The following KCTD8 variants were observed in gnomAD, a reference collection of about 807,000 sequenced individuals.
The protein encoded by KCTD8 is potassium channel tetramerization domain containing 8.
KCTD8 carries 27 observed loss-of-function variants against 31.5 expected under a neutral mutation model. The ratio of observed to expected loss-of-function variants is 0.86; its 90% CI spans 0.63 to 1.18. The LOEUF (loss-of-function observed/expected upper bound fraction) is 1.18, where lower values mean the gene tolerates loss of function less well. Ranked by LOEUF, KCTD8 falls within the 50% of genes most tolerant of loss-of-function variation. The pLI is 0.00. For synonymous variants in KCTD8, 290 were observed against 280.0 expected (o/e 1.04, Z -0.36); for missense variants, 658 against 647.7 (o/e 1.02, Z -0.17).
chr4:44,269,735 T>C (rs1480067279), intron 1 of KCTD8, among the ~76,000 whole-genome samples: 2 of 151,904 alleles, frequency 1.3e-5, no homozygotes, highest in Non-Finnish European at 2.9e-5. Flanking sequence ...GCAAAGGATA[T>C]GAACAGACAC....
chr4:44,393,806 T>TA (rs1297560602), intron 1 of KCTD8, among the ~76,000 whole-genome samples: 1 of 152,044 alleles, frequency 6.6e-6, no homozygotes, highest in Admixed American at 6.6e-5. Flanking sequence ...AATAAACATT[T>TA]ACAGAGCATC....
At chr4:44,414,004 C>G (rs1471755334) in intron 1 of KCTD8, among the ~76,000 whole-genome samples, 1 of 152,038 alleles carries the variant, frequency 6.6e-6, no homozygotes, top group African/African-American at 2.4e-5. Context: ...GACTAGAAAA[C>G]AGATTGTCCC....
intron 1 of KCTD8, among the ~76,000 whole-genome samples, chr4:44,350,518 T>C (rs1719169060): frequency 6.6e-6 from 1 of 152,196 alleles, no homozygotes; most frequent in Admixed American, 6.5e-5. Context: ...CAAGAGCTTC[T>C]AGCACAACAC....
Position 44,244,950 on chromosome 4 carries a change from C to T in KCTD8, c.962-69700G>A, listed in dbSNP as rs527617879. On this transcript the variant is annotated intron_variant, in intron 1 of 1. Transcript: ENST00000360029. ...TTTAACATTTGAGTGTTGGCTGAAGCCTTTATGATGGGTAAGGAAAGACAT... is the reference window on the plus strand; with the variant it reads ...TTTAACATTTGAGTGTTGGCTGAAGTCTTTATGATGGGTAAGGAAAGACAT... Among the ~76,000 whole-genome samples, 50 of 152,066 alleles carry T rather than the reference C, an allele frequency of 3.3e-4. 1 individual carries two copies. The South Asian group carries it at 9.7e-3, about 30-fold the overall frequency.
chr4:44,181,507 C>G (rs372188873), intron 1 of KCTD8, among the ~76,000 whole-genome samples: 14 of 152,188 alleles, frequency 9.2e-5, no homozygotes, highest in African/African-American at 2.9e-4. Context: ...CTCGGCCCCC[C>G]GAGGCGCCGG....
chr4:44,334,889 C>G (rs114343834), intron 1 of KCTD8, among the ~76,000 whole-genome samples: 1 of 152,208 alleles, frequency 6.6e-6, no homozygotes, highest in African/African-American at 2.4e-5. Flanking sequence ...TACAGATTAT[C>G]TGGAATGCAT....
At chr4:44,198,019 T>G (rs1713996582) in intron 1 of KCTD8, among the ~76,000 whole-genome samples, 1 of 152,078 alleles carries the variant, frequency 6.6e-6, no homozygotes, top group Admixed American at 6.5e-5. Flanking sequence ...TCAGAAGCAT[T>G]AACAACAGAT....
intron 1 of KCTD8, among the ~76,000 whole-genome samples, chr4:44,298,230 A>T (rs1717494762): frequency 1.3e-5 from 2 of 152,120 alleles, no homozygotes; most frequent in Non-Finnish European, 2.9e-5. Flanking sequence ...AACTTCCCAG[A>T]CATACTGAGG....
At chr4:44,314,429 T>C (rs888576874) in intron 1 of KCTD8, among the ~76,000 whole-genome samples, 1 of 152,142 alleles carries the variant, frequency 6.6e-6, no homozygotes, top group African/African-American at 2.4e-5. Flanking sequence ...GACAGGAAAG[T>C]AGGAGGGGAA....
chr4:44,438,096 A>G (rs1487109890), intron 1 of KCTD8, among the ~76,000 whole-genome samples: 1 of 152,152 alleles, frequency 6.6e-6, no homozygotes, highest in Non-Finnish European at 1.5e-5. Context: ...CTCACCAACC[A>G]GAAGAAAAGA....
chr4:44,447,289 G>A (rs1721966728), intron 1 of KCTD8, among the ~76,000 whole-genome samples: 1 of 152,238 alleles, frequency 6.6e-6, no homozygotes, highest in Admixed American at 6.5e-5. Context: ...GGGCTGGGCC[G>A]AGAAGGCAAG....
rs567391912 is a variant in KCTD8 at position 44,192,065 on chromosome 4, C to T, written c.962-16815G>A. 5.2e-4 allele frequency among the ~76,000 whole-genome samples: 79 copies of T among 152,280 alleles called. 1 individual carries two copies. Among genetic ancestry groups the T allele is most frequent in the African/African-American group, 1.8e-3 (74 of 41,578 alleles). On this transcript the variant is annotated intron_variant, in intron 1 of 1. Coordinates refer to ENST00000360029, the MANE Select transcript of KCTD8 (RefSeq NM_198353.3). ...AAAATTCCCCTCTTTGTACTCTTTC[C>T]CTTTATTTCTCAGACTGGCCGACAC...
intron 1 of KCTD8, among the ~76,000 whole-genome samples, chr4:44,403,866 T>C (rs1422299091): frequency 6.6e-5 from 10 of 152,048 alleles, no homozygotes; most frequent in Admixed American, 5.2e-4. Flanking sequence ...TGTTAGATGA[T>C]TAATATTTTT....
chr4:44,321,788 C>T (rs1328533542), intron 1 of KCTD8, among the ~76,000 whole-genome samples: 1 of 152,076 alleles, frequency 6.6e-6, no homozygotes, highest in East Asian at 1.9e-4. Flanking sequence ...TGCTAACTAC[C>T]TTTCTAGTCT....
chr4:44,249,033 A>G (rs934833215), intron 1 of KCTD8, among the ~76,000 whole-genome samples: 1 of 151,800 alleles, frequency 6.6e-6, no homozygotes, highest in Non-Finnish European at 1.5e-5. Context: ...TTAACTATGA[A>G]AATATCACCT....
intron 1 of KCTD8, among the ~76,000 whole-genome samples, chr4:44,254,470 G>A (rs943877674): frequency 2.6e-5 from 4 of 151,910 alleles, no homozygotes; most frequent in African/African-American, 7.2e-5. Context: ...CAAGTGCAAA[G>A]CGTAGCCCTT....
rs943315834 is a variant in KCTD8, at chr4:44,442,488, G to A, written c.961+5075C>T. 5.3e-5 allele frequency among the ~76,000 whole-genome samples: 8 copies of A among 152,094 alleles called. No individual in the cohort carries two copies. The South Asian group carries it at 6.2e-4, about 12-fold the overall frequency. On this transcript the variant is annotated intron_variant, in intron 1 of 1. Transcript: ENST00000360029. ...TGTAATCCCAGCTACTCGGGAGGCC[G>A]AGGCAGGAGAATGACTTGAACCTGG...
intron 1 of KCTD8, among the ~76,000 whole-genome samples, chr4:44,268,385 G>C (rs997046364): frequency 6.6e-6 from 1 of 152,074 alleles, no homozygotes; most frequent in African/African-American, 2.4e-5. Flanking sequence ...GTATTGATGG[G>C]ATGTATCTCA....
At chr4:44,325,865 C>T (rs1217061775) in intron 1 of KCTD8, among the ~76,000 whole-genome samples, 1 of 151,868 alleles carries the variant, frequency 6.6e-6, no homozygotes, top group Non-Finnish European at 1.5e-5. Context: ...TAAGTCACCA[C>T]AAACAAGACA....
Sources: allele counts gnomAD v4.1 joint callset (sites outside exome capture counted in the v4.1 genomes callset), GRCh38; gene constraint gnomAD v4.1.1; transcripts MANE v1.5; gene names NCBI Gene and HGNC (gene_info 2026-07-23, HGNC 2026-07-21).